The following ZMIZ1 variants were observed in gnomAD, a reference collection of about 807,000 sequenced individuals.
The protein encoded by ZMIZ1 is zinc finger MIZ-type containing 1.
In ZMIZ1, 17 loss-of-function variants were observed where a neutral mutation model predicts 113.9. The ratio of observed to expected loss-of-function variants is 0.15; its 90% CI spans 0.10 to 0.22. ZMIZ1 has a LOEUF of 0.22. ZMIZ1 is among the 10% of genes least tolerant of loss of function. ZMIZ1 has a pLI of 1.00. For missense variants in ZMIZ1, 1,059 were observed against 1,477.8 expected (o/e 0.72, Z 4.65); for synonymous variants, 607 against 603.1 (o/e 1.01, Z -0.09).
At position 79,306,159 on chromosome 10, in the gene ZMIZ1, A is replaced by C; in HGVS notation, c.2483A>C (p.Lys828Thr). The C allele has an allele frequency of 6.2e-7, 1 of 1,614,090 alleles. No individual in the cohort carries two copies. Among genetic ancestry groups the C allele is most frequent in the Non-Finnish European group, 8.5e-7 (1 of 1,180,024 alleles). The part of the protein sequence containing the change: ...PTCSWRPVPI[K>T]SDLHIKDDPD... ...TGCAGCTGGCGGCCGGTGCCCATCA[A>C]GTCGGACTTACACATCAAGGACGAC... is the stretch of plus-strand genomic sequence containing the variant. Residue 828 changes from lysine to threonine, a missense_variant, in exon 22 of 25, where the codon AAG (lysine) becomes ACG (threonine). By Grantham distance (78) the Lys-to-Thr change is moderately conservative (BLOSUM62 -1). Around this residue, in one of 6 missense-constraint regions of ZMIZ1, gnomAD observed 217 missense variants for 426.9 expected, o/e 0.51. Coordinates refer to ENST00000334512, the MANE Select transcript of ZMIZ1 (RefSeq NM_020338.4).
intron 3 of ZMIZ1, among the ~76,000 whole-genome samples, chr10:79,160,352 G>A (rs942562831): frequency 1.5e-4 from 23 of 152,238 alleles, no homozygotes; most frequent in African/African-American, 5.5e-4. Context: ...CTGGTCCCAG[G>A]ATCTTGGGGT....
rs57304757 is a variant in ZMIZ1, at chr10:79,114,506, C to CGTGTGTGTGTGTGTGT, written c.-336-4389_-336-4374dup. 8.0e-4 allele frequency among the ~76,000 whole-genome samples: 75 copies of CGTGTGTGTGTGTGTGT among 93,246 alleles called. 1 individual carries two copies. The highest frequency in any genetic ancestry group is 3.3e-3 in the African/African-American group (72 of 21,504). 61.2% of individuals were successfully genotyped at this position (93,246 alleles called of 152,430 possible). A position where few individuals can be genotyped will look rare whatever the true frequency, so the allele number is the denominator to read the frequency against. On this transcript the variant is annotated intron_variant, in intron 1 of 24. Coordinates refer to ENST00000334512, the MANE Select transcript of ZMIZ1 (RefSeq NM_020338.4). ...GTGTGTGTGTGTGCGTGTGTGTGTGCGTGTGTGTGTGTGTGTGTGTGTGTG... is the reference window on the plus strand; with the variant it reads ...GTGTGTGTGTGTGCGTGTGTGTGTGCGTGTGTGTGTGTGTGTGTGTGTGTGTGTGTGTGTGTGTGTG...
chr10:79,162,457 G>GGA (rs1846151673), intron 4 of ZMIZ1, among the ~76,000 whole-genome samples: 1 of 152,202 alleles, frequency 6.6e-6, no homozygotes, highest in Admixed American at 6.5e-5. Context: ...TAAACCCTGT[G>GGA]GAGTATGGGC....
At chr10:79,292,002 C>G (rs1435022636) in intron 10 of ZMIZ1, among the ~76,000 whole-genome samples, 156 bp from the exon 11 acceptor site, 1 of 152,196 alleles carries the variant, frequency 6.6e-6, no homozygotes, top group Non-Finnish European at 1.5e-5. Flanking sequence ...CTGGTCGTTG[C>G]CAAGTGGCAC....
At chr10:79,276,924 T>C (rs1218860226) in intron 7 of ZMIZ1, among the ~76,000 whole-genome samples, 1 of 152,126 alleles carries the variant, frequency 6.6e-6, no homozygotes, top group African/African-American at 2.4e-5. Context: ...CACGGACCAC[T>C]ACTTCCTGCA....
intron 1 of ZMIZ1, among the ~76,000 whole-genome samples, chr10:79,095,392 G>A (rs948896486): frequency 6.6e-6 from 1 of 152,164 alleles, no homozygotes; most frequent in Non-Finnish European, 1.5e-5. Flanking sequence ...CCATGATACC[G>A]ATAGTTAGAA....
chr10:79,187,216 C>T (rs1156434723), intron 4 of ZMIZ1, among the ~76,000 whole-genome samples: 1 of 152,224 alleles, frequency 6.6e-6, no homozygotes, highest in Non-Finnish European at 1.5e-5. Flanking sequence ...TTCATCAAGG[C>T]CATGGAGTCC....
intron 4 of ZMIZ1, among the ~76,000 whole-genome samples, chr10:79,194,437 T>A (rs780086034): frequency 2.0e-4 from 30 of 152,320 alleles, no homozygotes; most frequent in Middle Eastern, 3.4e-3. Flanking sequence ...AGCTGACTGT[T>A]CGGTTGGCTG....
intron 3 of ZMIZ1, among the ~76,000 whole-genome samples, chr10:79,148,391 C>T (rs532131481): frequency 1.3e-5 from 2 of 152,294 alleles, no homozygotes; most frequent in East Asian, 1.9e-4. Flanking sequence ...GATAGGCCAA[C>T]GGCAGAGCCC....
chr10:79,075,507 T>TA (rs1842436558), intron 1 of ZMIZ1, among the ~76,000 whole-genome samples: 1 of 152,148 alleles, frequency 6.6e-6, no homozygotes, highest in South Asian at 2.1e-4. Flanking sequence ...AGTTGGCAGT[T>TA]ACCTGTCTTA....
intron 6 of ZMIZ1, among the ~76,000 whole-genome samples, chr10:79,210,691 A>C (rs1381023649): frequency 3.3e-5 from 5 of 152,206 alleles, no homozygotes; most frequent in Admixed American, 3.3e-4. Context: ...CAGAGGAAGG[A>C]GGTGTAAAGC....
chr10:79,103,358 G>C (rs1843438568), intron 1 of ZMIZ1, among the ~76,000 whole-genome samples: 1 of 152,216 alleles, frequency 6.6e-6, no homozygotes, highest in Non-Finnish European at 1.5e-5. Context: ...AAGGAAGTGA[G>C]AGTGGGAGGC....
chr10:79,246,091 AAGG>A (rs1850179815), intron 7 of ZMIZ1, among the ~76,000 whole-genome samples: 1 of 152,220 alleles, frequency 6.6e-6, no homozygotes, highest in Non-Finnish European at 1.5e-5. Context: ...TGCTGCGGGG[AAGG>A]AGTAGACCAG....
rs1291287148 is a variant in ZMIZ1, at chr10:79,279,138, C to T, written c.425+1813C>T. Among the ~76,000 whole-genome samples, 7 of 149,474 alleles carry T rather than the reference C, an allele frequency of 4.7e-5. No individual in the cohort carries two copies. In the East Asian group the frequency reaches 1.4e-3, roughly 30 times the overall value. On this transcript the variant is annotated intron_variant, in intron 8 of 24. Coordinates refer to ENST00000334512, the MANE Select transcript of ZMIZ1 (RefSeq NM_020338.4). Reference sequence around the variant, plus strand: ...CCACCTCCCGGACGGGGCGGCTGGCCGGACGGGGGCTGCCCCCGACCTCCC... The same window carrying T: ...CCACCTCCCGGACGGGGCGGCTGGCTGGACGGGGGCTGCCCCCGACCTCCC...
intron 3 of ZMIZ1, among the ~76,000 whole-genome samples, chr10:79,141,152 G>A (rs923412747): frequency 2.0e-5 from 3 of 152,174 alleles, no homozygotes; most frequent in Non-Finnish European, 2.9e-5. Context: ...GAGAGGGGAC[G>A]TGGCTGATTC....
intron 2 of ZMIZ1, among the ~76,000 whole-genome samples, chr10:79,127,513 C>G (rs1194160840): frequency 1.3e-5 from 2 of 149,632 alleles, no homozygotes; most frequent in African/African-American, 4.9e-5. Flanking sequence ...GCAAGCTTCT[C>G]TTATCCTCAC....
At chr10:79,289,918 G>T (rs771747944) in intron 9 of ZMIZ1, 29 bp downstream of exon 9, 2 of 1,600,372 alleles carry the variant, frequency 1.2e-6, no homozygotes, top group Admixed American at 3.3e-5. Context: ...CTCAGCCACA[G>T]CTCTTTCTAG....
chr10:79,277,842 A>AG (rs936527769), intron 8 of ZMIZ1, among the ~76,000 whole-genome samples: 2 of 152,234 alleles, frequency 1.3e-5, no homozygotes, highest in African/African-American at 4.8e-5. Context: ...CAGCCTCAGA[A>AG]GGAGCACGTG....
intron 7 of ZMIZ1, among the ~76,000 whole-genome samples, chr10:79,274,673 C>T (rs542996304): frequency 6.6e-6 from 1 of 152,356 alleles, no homozygotes; most frequent in East Asian, 1.9e-4. Flanking sequence ...GTGGTGACTC[C>T]CCATCCCCCC....
Sources: allele counts gnomAD v4.1 joint callset (sites outside exome capture counted in the v4.1 genomes callset), GRCh38; gene constraint gnomAD v4.1.1; regional missense constraint gnomAD v4.1.1; transcripts MANE v1.5; gene names NCBI Gene and HGNC (gene_info 2026-07-23, HGNC 2026-07-21).